The following HSH2D variants were observed in gnomAD, a reference collection of about 807,000 sequenced individuals.
HSH2D encodes hematopoietic SH2 domain-containing protein.
A neutral mutation model predicts 21.5 loss-of-function variants in HSH2D; 16 were observed. That is an observed-to-expected ratio of 0.74 (90% CI 0.50 to 1.13). The LOEUF (loss-of-function observed/expected upper bound fraction) is 1.13, where lower values mean the gene tolerates loss of function less well. Among genes scored for constraint, HSH2D ranks in the 50% most tolerant of loss-of-function variants. The pLI is 0.00. For synonymous variants in HSH2D, 172 were observed against 184.7 expected, an observed-to-expected ratio of 0.93 and a Z score of 0.56; for missense variants, 418 against 441.4, an observed-to-expected ratio of 0.95 and a Z score of 0.47.
chr19:16,153,269 C>T, intron 4 of HSH2D, 61 bp downstream of exon 4: 1 of 1,412,458 alleles, frequency 7.1e-7, no homozygotes, highest in Non-Finnish European at 9.3e-7. Context: ...CCCCAGACCC[C>T]TTTGTTTCCC....
upstream of HSH2D, among the ~76,000 whole-genome samples, chr19:16,141,436 C>T (rs1019370660): frequency 3.9e-5 from 6 of 152,132 alleles, no homozygotes; most frequent in Non-Finnish European, 8.8e-5. Context: ...GCCTGGGGTA[C>T]GAGCACACGG....
intron 1 of HSH2D, among the ~76,000 whole-genome samples, chr19:16,138,299 A>C (rs1356267417): frequency 6.6e-6 from 1 of 152,162 alleles, no homozygotes; most frequent in Non-Finnish European, 1.5e-5. Context: ...CTGTGGCTGA[A>C]TCATATTTCA....
At chr19:16,152,508 G>A in intron 2 of HSH2D, 44 bp from the exon 3 acceptor site, 1 of 1,270,304 alleles carries the variant, frequency 7.9e-7, no homozygotes, top group South Asian at 1.8e-5. Flanking sequence ...TGGTACGTGG[G>A]GCGGCTGGAC....
At chr19:16,137,245 T>A (rs965107365) in intron 1 of HSH2D, among the ~76,000 whole-genome samples, 2 of 152,120 alleles carry the variant, frequency 1.3e-5, no homozygotes, top group African/African-American at 4.8e-5. Context: ...CACAGGTACA[T>A]ACATAATGAG....
intron 2 of HSH2D, among the ~76,000 whole-genome samples, chr19:16,149,753 G>A (rs1440527548): frequency 6.6e-6 from 1 of 151,068 alleles, no homozygotes; most frequent in Non-Finnish European, 1.5e-5. Flanking sequence ...GCTAATATTT[G>A]TATTTTTAGT....
chr19:16,144,319 G>A (rs1431281649), intron 1 of HSH2D, among the ~76,000 whole-genome samples: 1 of 152,002 alleles, frequency 6.6e-6, no homozygotes, highest in Non-Finnish European at 1.5e-5. Flanking sequence ...GAGGAACAGG[G>A]GGGAACGTTG....
upstream of HSH2D, among the ~76,000 whole-genome samples, chr19:16,142,690 T>C (rs1453701959): frequency 6.6e-6 from 1 of 152,146 alleles, no homozygotes; most frequent in Non-Finnish European, 1.5e-5. Context: ...CGCGAACTCC[T>C]GACCTCAAAT....
At chr19:16,151,960 A>AG (rs2091160092) in intron 2 of HSH2D, among the ~76,000 whole-genome samples, 1 of 146,790 alleles carries the variant, frequency 6.8e-6, no homozygotes, top group Non-Finnish European at 1.5e-5. Context: ...AAAAAAAAAA[A>AG]GTTGGGCATG....
chr19:16,153,251 G>C, intron 4 of HSH2D, 43 bp downstream of exon 4: 2 of 1,459,690 alleles, frequency 1.4e-6, no homozygotes, highest in Non-Finnish European at 1.8e-6. Context: ...TTTCCTTGGG[G>C]CCAAGCCCCC....
rs552952797 is a variant in HSH2D, at chr19:16,134,585, C to T, written c.-324+350C>T. On this transcript the variant is annotated intron_variant, in intron 1 of 7. Transcript: ENST00000616645. ...CCAGGCCAGACCCAGGTCGGTTTCA[C>T]CTGCCACTCTCTATTCCAATTTGAA... Among the ~76,000 whole-genome samples the T allele has an allele frequency of 2.0e-5, 3 of 148,126 alleles. No homozygotes were observed. In the East Asian group the frequency reaches 5.9e-4, roughly 29 times the overall value.
intron 3 of HSH2D, 40 bp from the exon 4 acceptor site, chr19:16,153,003 G>T: frequency 6.3e-7 from 1 of 1,591,236 alleles, no homozygotes; most frequent in Non-Finnish European, 8.6e-7. Context: ...GCAGGGATGA[G>T]GGGGAGTAGG....
At chr19:16,136,922 C>G (rs1481489933) in intron 1 of HSH2D, among the ~76,000 whole-genome samples, 1 of 152,206 alleles carries the variant, frequency 6.6e-6, no homozygotes, top group African/African-American at 2.4e-5. Context: ...TATAAAATCC[C>G]CTGCATTTCA....
Position 16,153,092 on chromosome 19 carries a change from A to T in HSH2D, c.265A>T (p.Thr89Ser). The change falls in exon 4 of 6, where the codon ACT (threonine) becomes TCT (serine). Residue 89 changes from threonine to serine, a missense_variant. Thr to Ser is a moderately conservative substitution (Grantham distance 58). Transcript: ENST00000613986. Reference sequence around the variant, plus strand: ...CATGGTGAAGCTCTTGGATGATGGGACTTTCATGATCCCCGGGGAGAAGGT... The same window carrying T: ...CATGGTGAAGCTCTTGGATGATGGGTCTTTCATGATCCCCGGGGAGAAGGT... ...HFMVKLLDDG[T>S]FMIPGEKVAH... 6.2e-7 allele frequency: 1 copy of T among 1,610,392 alleles called. No individual in the cohort carries two copies. Among genetic ancestry groups the T allele is most frequent in the Non-Finnish European group, 8.5e-7 (1 of 1,178,570 alleles).
chr19:16,136,630 A>G (rs1216596611), intron 1 of HSH2D, among the ~76,000 whole-genome samples: 1 of 152,208 alleles, frequency 6.6e-6, no homozygotes, highest in Non-Finnish European at 1.5e-5. Flanking sequence ...CAGCTGCGTC[A>G]ATAGAAAACA....
upstream of HSH2D, among the ~76,000 whole-genome samples, chr19:16,139,469 C>T (rs919219823): frequency 6.6e-6 from 1 of 152,102 alleles, no homozygotes; most frequent in African/African-American, 2.4e-5. Flanking sequence ...GTGATTGCAG[C>T]TACTTGGGAG....
chr19:16,149,741 C>A (rs867207761), intron 2 of HSH2D, among the ~76,000 whole-genome samples: 1 of 150,566 alleles, frequency 6.6e-6, no homozygotes, highest in Non-Finnish European at 1.5e-5. Context: ...CCACCGCACC[C>A]GGCTAATATT....
rs1407129769 is a variant in HSH2D, at chr19:16,157,195, T to C, written c.475-15T>C. 6.6e-7 allele frequency: 1 copy of C among 1,517,972 alleles called. No individual in the cohort carries two copies. Among genetic ancestry groups the C allele is most frequent in the East Asian group, 2.3e-5 (1 of 43,926 alleles). The allele number at this position is 1,517,972 out of a possible 1,614,324, so 94.0% of individuals were successfully genotyped here. On this transcript the variant is annotated splice_polypyrimidine_tract_variant and intron_variant, in intron 5 of 5. Transcript: ENST00000613986. This position sits in a 1 kb window ranked among gnomAD's most constrained non-coding sequence, Gnocchi z 4.4. ...TGGGCAAGCTGCCCCAGGCCTCCCC[T>C]ACTCTCATTTTCAGGCCTCCCCAAA...
chr19:16,148,332 A>G (rs1441583313), intron 1 of HSH2D, among the ~76,000 whole-genome samples: 1 of 152,072 alleles, frequency 6.6e-6, no homozygotes, highest in Non-Finnish European at 1.5e-5. Flanking sequence ...TATTTTTAGT[A>G]GAGACAGGGT....
At chr19:16,141,062 T>A (rs1300690677), upstream of HSH2D, among the ~76,000 whole-genome samples, 1 of 152,188 alleles carries the variant, frequency 6.6e-6, no homozygotes, top group African/African-American at 2.4e-5. Flanking sequence ...TCCCAACTCA[T>A]CTCCATGTGC....
Sources: allele counts gnomAD v4.1 joint callset (sites outside exome capture counted in the v4.1 genomes callset), GRCh38; gene constraint gnomAD v4.1.1; non-coding constraint Gnocchi (gnomAD v3.1); transcripts MANE v1.5; gene names NCBI Gene and HGNC (gene_info 2026-07-23, HGNC 2026-07-21).